Variants in CFAP47 observed in about 807,000 individuals in gnomAD.
The protein encoded by CFAP47 is cilia and flagella associated protein 47.
Under a neutral mutation model 148.1 loss-of-function variants are expected in CFAP47, and 29 were observed. The ratio of observed to expected loss-of-function variants is 0.20; its 90% CI spans 0.15 to 0.27. The LOEUF (loss-of-function observed/expected upper bound fraction) is 0.27, where lower values mean the gene tolerates loss of function less well. CFAP47 is among the 10% of genes least tolerant of loss of function. The pLI is 1.00. For synonymous variants in CFAP47, 664 were observed against 577.3 expected (o/e 1.15, Z -2.15); for missense variants, 1,872 against 1,697.5 (o/e 1.10, Z -1.81).
rs142727015 is a variant in CFAP47 at position 36,370,025 on chromosome X, G to A, written c.9185+2898G>A. ...TGTCACCAGCTGCAAGTCTTTGGGT[G>A]GCAAGGATCAGATCATGATGGGTAA... On this transcript the variant is annotated intron_variant, in intron 62 of 63. Transcript: ENST00000378653. Among the ~76,000 whole-genome samples the A allele has an allele frequency of 3.5e-3, 390 of 111,755 alleles. 3 individuals carry two copies. The highest frequency in any genetic ancestry group is 6.0e-3 in the Non-Finnish European group (320 of 53,116).
At position 36,278,556 on chromosome X, in the gene CFAP47, C is replaced by T. The variant is rs782756374; in HGVS notation, c.7445-1931C>T. On this transcript the variant is annotated intron_variant, in intron 49 of 63. Coordinates refer to ENST00000378653, the MANE Select transcript of CFAP47 (RefSeq NM_001304548.2). ...AACCCCTTGTGCTTCCTAGGTGAGG[C>T]GATGCCCTGCCCTGCTTAGGCTCAC... Among the ~76,000 whole-genome samples the T allele has an allele frequency of 6.2e-5, 7 of 112,407 alleles. No individual in the cohort carries two copies. The South Asian group carries it at 2.2e-3, about 35-fold the overall frequency.
At chrX:36,029,315 T>C (rs1245060418) in intron 22 of CFAP47, among the ~76,000 whole-genome samples, 1 of 111,271 alleles carries the variant, frequency 9.0e-6, no homozygotes, top group East Asian at 2.8e-4. Context: ...ATCCGTTTTT[T>C]AAACACTTTC....
intron 37 of CFAP47, among the ~76,000 whole-genome samples, chrX:36,154,809 T>A (rs1939348355): frequency 9.1e-6 from 1 of 110,026 alleles, no homozygotes; most frequent in Non-Finnish European, 1.9e-5. Context: ...GGCTTTTTTT[T>A]TTTTCAGCAT....
intron 56 of CFAP47, among the ~76,000 whole-genome samples, chrX:36,313,121 A>G (rs1941406663): frequency 1.8e-5 from 2 of 111,696 alleles, no homozygotes; most frequent in South Asian, 7.4e-4. Flanking sequence ...TGATGAGAAG[A>G]ATTAAAATAT....
At chrX:36,316,421 T>C (rs5973643) in intron 56 of CFAP47, among the ~76,000 whole-genome samples, 5,641 of 112,196 alleles carry the variant, frequency 0.05, 387 homozygotes, top group African/African-American at 0.17. Flanking sequence ...GGAGATGTTA[T>C]CAAAGGATTT....
At chrX:35,961,561 C>T (rs1936331571) in intron 8 of CFAP47, among the ~76,000 whole-genome samples, 1 of 110,977 alleles carries the variant, frequency 9.0e-6, no homozygotes, top group Non-Finnish European at 1.9e-5. Flanking sequence ...ATGTCTTTCT[C>T]TTTATAAGAA....
At chrX:36,200,814 T>C (rs5973608) in intron 43 of CFAP47, among the ~76,000 whole-genome samples, 5,758 of 111,925 alleles carry the variant, frequency 0.051, 409 homozygotes, top group African/African-American at 0.18. Flanking sequence ...AAAATCTACA[T>C]AATGTTATAT....
intron 22 of CFAP47, among the ~76,000 whole-genome samples, chrX:36,023,383 C>A (rs1329325126): frequency 1.8e-5 from 2 of 111,716 alleles, no homozygotes; most frequent in Non-Finnish European, 1.9e-5. Context: ...GTGGCCACCA[C>A]CACTAGGACT....
intron 8 of CFAP47, among the ~76,000 whole-genome samples, chrX:35,960,187 G>A (rs897028270): frequency 9.4e-5 from 10 of 105,966 alleles, no homozygotes; most frequent in African/African-American, 2.8e-4. Context: ...TGATCTGCCC[G>A]CCTCAGCCTC....
At chrX:36,175,112 A>G (rs1939651944) in intron 39 of CFAP47, among the ~76,000 whole-genome samples, 1 of 111,266 alleles carries the variant, frequency 9.0e-6, no homozygotes, top group Non-Finnish European at 1.9e-5. Context: ...AGGCTTCTGC[A>G]TTCTTCACGT....
rs145789274 is a variant in CFAP47, at chrX:36,375,098, T to G, written c.9186-4252T>G. On this transcript the variant is annotated intron_variant, in intron 62 of 63. Coordinates refer to ENST00000378653, the MANE Select transcript of CFAP47 (RefSeq NM_001304548.2). ...GAAGCTGGATGATGACTTTGGAGCA[T>G]GACCTAATAAGAACCTGGCGTTTGC... The G allele has an allele frequency of 2.6e-3, 1,018 of 386,995 alleles. 4 individuals are homozygous for G. The highest frequency in any genetic ancestry group is 0.023 in the African/African-American group (924 of 39,766). 31.9% of individuals were successfully genotyped at this position (386,995 alleles called of 1,213,427 possible).
intron 33 of CFAP47, among the ~76,000 whole-genome samples, chrX:36,118,571 A>C (rs1456715117): frequency 6.3e-5 from 7 of 110,497 alleles, no homozygotes; most frequent in Non-Finnish European, 1.1e-4. Context: ...CCGGGTTTAC[A>C]CCATTCTCCT....
chrX:36,280,075 G>C (rs1185766514), intron 49 of CFAP47, among the ~76,000 whole-genome samples: 1 of 109,728 alleles, frequency 9.1e-6, no homozygotes, highest in South Asian at 3.8e-4. Context: ...TTCATGCTTG[G>C]GATATTGTGA....
chrX:36,234,797 T>C (rs1940430412), intron 46 of CFAP47, among the ~76,000 whole-genome samples: 1 of 111,696 alleles, frequency 9.0e-6, no homozygotes, highest in Non-Finnish European at 1.9e-5. Context: ...GTTTTTGGTG[T>C]GGATGTCCTT....
chrX:36,001,668 T>C lies in CFAP47; in HGVS notation c.3378T>C (p.Asn1126=), dbSNP rs1488999424. The C allele has an allele frequency of 3.4e-6, 1 of 294,700 alleles. No individual in the cohort carries two copies. The highest frequency in any genetic ancestry group is 5.9e-6 in the Non-Finnish European group (1 of 169,013). 24.3% of individuals were successfully genotyped at this position (294,700 alleles called of 1,213,427 possible). A position where few individuals can be genotyped will look rare whatever the true frequency, so the allele number is the denominator to read the frequency against. ...TATATTCTTTGGAATTAGAGGAAAA[T>C]ACATCTCTGGAATGTAGCATAACAT... The part of the protein sequence containing the change: ...PYIYSLELEE[N]TSLECSITFS... Residue 1126 remains asparagine, a synonymous_variant, in exon 21 of 64, where the codon AAT becomes AAC. Transcript: ENST00000378653.
intron 3 of CFAP47, among the ~76,000 whole-genome samples, chrX:35,945,611 C>T (rs1936074172): frequency 9.0e-6 from 1 of 111,553 alleles, no homozygotes; most frequent in African/African-American, 3.3e-5. Flanking sequence ...TTCCTACCCC[C>T]TTAGTCAATT....
At chrX:36,308,808 G>A (rs957354241) in intron 55 of CFAP47, among the ~76,000 whole-genome samples, 41 of 110,542 alleles carry the variant, frequency 3.7e-4, no homozygotes, top group African/African-American at 1.3e-3. Flanking sequence ...CTGGATTGAG[G>A]GAAATGGCTA....
At chrX:35,924,289 GTA>G (rs1935677095) in intron 1 of CFAP47, among the ~76,000 whole-genome samples, 1 of 101,089 alleles carries the variant, frequency 9.9e-6, no homozygotes, top group Non-Finnish European at 1.9e-5. Context: ...ATATGTACAT[GTA>G]TGTGTACACA....
chrX:36,019,624 A>C (rs1937136160), intron 22 of CFAP47, among the ~76,000 whole-genome samples: 1 of 110,299 alleles, frequency 9.1e-6, no homozygotes, highest in Non-Finnish European at 1.9e-5. Flanking sequence ...TATTTTTCCC[A>C]CCCGCCTGAC....
Sources: gnomAD v4.1 joint callset for allele counts (sites outside exome capture counted in the v4.1 genomes callset) on GRCh38, gnomAD v4.1.1 for gene constraint, MANE v1.5 for transcripts, NCBI Gene and HGNC (gene_info 2026-07-23, HGNC 2026-07-21) for gene names.